ASIP: variants seen among roughly 807,000 people sequenced by gnomAD.
The protein encoded by ASIP is agouti-signaling protein.
In ASIP, 11 loss-of-function variants were observed where a neutral mutation model predicts 10.3. The observed-to-expected ratio is 1.07, with a 90% CI of 0.68 to 1.78. The LOEUF is 1.78. Among genes scored for constraint, ASIP ranks in the 40% most tolerant of loss-of-function variants. ASIP has a pLI of 0.00. For synonymous variants in ASIP, 70 were observed against 70.8 expected, an observed-to-expected ratio of 0.99 and a Z score of 0.06; for missense variants, 180 against 169.2, an observed-to-expected ratio of 1.06 and a Z score of -0.35.
chr20:34,256,689 T>C (rs2035575264), intron 1 of ASIP, among the ~76,000 whole-genome samples: 2 of 152,200 alleles, frequency 1.3e-5, no homozygotes, highest in South Asian at 4.1e-4. Context: ...ATATTATTTA[T>C]GGTAAGGAAA....
At chr20:34,191,463 G>A (rs895146569), upstream of ASIP, among the ~76,000 whole-genome samples, 7 of 152,116 alleles carry the variant, frequency 4.6e-5, no homozygotes, top group East Asian at 1.9e-4. Flanking sequence ...TGGTCCCAGC[G>A]GTCTGTGGGA....
intron 2 of ASIP, among the ~76,000 whole-genome samples, chr20:34,262,171 G>T (rs2035705235): frequency 1.3e-5 from 2 of 152,126 alleles, no homozygotes; most frequent in Admixed American, 1.3e-4. Context: ...TATCAGACAG[G>T]GAAGGGAGGA....
At chr20:34,219,024 G>T (rs1375712487) in intron 1 of ASIP, among the ~76,000 whole-genome samples, 1 of 152,156 alleles carries the variant, frequency 6.6e-6, no homozygotes, top group Non-Finnish European at 1.5e-5. Flanking sequence ...AGAATAGCTG[G>T]AAACCTATGG....
At chr20:34,246,296 C>A (rs1051572172) in intron 1 of ASIP, 2 of 1,551,270 alleles carry the variant, frequency 1.3e-6, no homozygotes, top group African/African-American at 1.4e-5. Flanking sequence ...TGTTCCTTGA[C>A]CCTCACTAAT....
chr20:34,262,956 G>A (rs1290965189), intron 3 of ASIP, 63 bp downstream of exon 3: 1 of 1,579,234 alleles, frequency 6.3e-7, no homozygotes, highest in Non-Finnish European at 8.7e-7. Flanking sequence ...AAAGAAGGAG[G>A]ACCCCCAACC....
chr20:34,260,570 A>C (rs112393174), intron 2 of ASIP, 36 bp downstream of exon 2: 2 of 1,557,154 alleles, frequency 1.3e-6, no homozygotes, highest in African/African-American at 2.7e-5. Flanking sequence ...GGCCCAGGAG[A>C]GGGGCTGCAG....
intron 1 of ASIP, among the ~76,000 whole-genome samples, chr20:34,212,832 G>A (rs1439607327): frequency 2.6e-5 from 4 of 152,026 alleles, no homozygotes. Flanking sequence ...CAATCTGTAG[G>A]GGAAATACTT....
chr20:34,210,575 C>A (rs2034968043), intron 1 of ASIP, among the ~76,000 whole-genome samples: 1 of 152,218 alleles, frequency 6.6e-6, no homozygotes, highest in African/African-American at 2.4e-5. Flanking sequence ...GGGATCCAGG[C>A]CAGTAGTGTG....
intron 1 of ASIP, among the ~76,000 whole-genome samples, chr20:34,232,908 C>T (rs1449512136): frequency 1.3e-5 from 2 of 152,158 alleles, no homozygotes; most frequent in African/African-American, 4.8e-5. Flanking sequence ...AACTATTTGC[C>T]AGGTTGCAGT....
chr20:34,215,223 A>G lies in ASIP; in HGVS notation c.-11+20463A>G. ...CTAGCAGCATATTTATAAACCTATC[A>G]TTGGCTAAAAGGGATAAGTCAATCC... On this transcript the variant is annotated intron_variant, in intron 1 of 3. Coordinates refer to the ASIP transcript ENST00000568305. The G allele has an allele frequency of 5.0e-6, 8 of 1,589,972 alleles. No individual in the cohort carries two copies. In the South Asian group the frequency reaches 5.5e-5, roughly 11 times the overall value.
intron 1 of ASIP, among the ~76,000 whole-genome samples, chr20:34,242,391 C>T (rs2035297615): frequency 6.6e-6 from 1 of 152,058 alleles, no homozygotes; most frequent in Middle Eastern, 3.2e-3. Context: ...CACCACCACG[C>T]CTGGCTAATT....
chr20:34,233,437 G>A (rs567054447), intron 1 of ASIP, among the ~76,000 whole-genome samples: 23 of 152,122 alleles, frequency 1.5e-4, no homozygotes, highest in Non-Finnish European at 2.5e-4. Flanking sequence ...GTGAGCCACC[G>A]CGCCCGGCCC....
chr20:34,261,815 T>A (rs911710195), intron 2 of ASIP, among the ~76,000 whole-genome samples: 2 of 151,720 alleles, frequency 1.3e-5, no homozygotes, highest in South Asian at 2.1e-4. Flanking sequence ...AGAAATTTTT[T>A]AATAAATAAA....
chr20:34,236,292 C>A (rs1344879395), intron 1 of ASIP, among the ~76,000 whole-genome samples: 3 of 152,184 alleles, frequency 2.0e-5, no homozygotes, highest in African/African-American at 7.2e-5. Flanking sequence ...ATAATCCCAG[C>A]ACTTTGGGAG....
chr20:34,215,974 ATC>A, intron 1 of ASIP: 1 of 747,952 alleles, frequency 1.3e-6, no homozygotes, highest in Non-Finnish European at 2.4e-6. Flanking sequence ...CATCTTCCCT[ATC>A]ACTCCAGCCC....
intron 1 of ASIP, 146 bp from the exon 2 acceptor site, chr20:34,260,219 C>CCT (rs1171542013): frequency 2.6e-6 from 2 of 756,144 alleles, no homozygotes; most frequent in East Asian, 5.0e-5. Context: ...CCTTCCCCAT[C>CCT]CTAAGCCTTG....
chr20:34,264,937 G>A (rs1007753951), intron 3 of ASIP, among the ~76,000 whole-genome samples: 6 of 151,570 alleles, frequency 4.0e-5, no homozygotes, highest in Non-Finnish European at 5.9e-5. Flanking sequence ...CTAGGACTAC[G>A]GGTGTGCACC....
At chr20:34,228,052 A>G (rs1315195018) in intron 1 of ASIP, among the ~76,000 whole-genome samples, 2 of 152,158 alleles carry the variant, frequency 1.3e-5, no homozygotes, top group Middle Eastern at 3.4e-3. Context: ...ATGAACTTCA[A>G]TTCATAACTT....
chr20:34,224,664 A>G (rs1001477536), intron 1 of ASIP, among the ~76,000 whole-genome samples: 6 of 150,872 alleles, frequency 4.0e-5, no homozygotes, highest in African/African-American at 1.2e-4. Context: ...GACTCCTAGG[A>G]TTGTCTCACC....
Sources: allele counts gnomAD v4.1 joint callset (sites outside exome capture counted in the v4.1 genomes callset), GRCh38; gene constraint gnomAD v4.1.1; transcripts MANE v1.5; gene names NCBI Gene and HGNC (gene_info 2026-07-23, HGNC 2026-07-21).